Variants in ARHGAP28 observed in about 807,000 individuals in gnomAD.
ARHGAP28 encodes the protein rho GTPase-activating protein 28.
ARHGAP28 carries 56 observed loss-of-function variants against 90.7 expected under a neutral mutation model. That is an observed-to-expected ratio of 0.62 (90% CI 0.50 to 0.77). ARHGAP28 has a LOEUF of 0.77. Among genes scored for constraint, ARHGAP28 ranks in the 30% least tolerant of loss-of-function variants. The pLI, the probability that ARHGAP28 is intolerant of heterozygous loss-of-function variation, is 0.00. For missense variants in ARHGAP28, 869 were observed against 900.9 expected (o/e 0.96, Z 0.45); for synonymous variants, 308 against 323.3 (o/e 0.95, Z 0.51).
chr18:6,905,731 A>C (rs970712458), intron 16 of ARHGAP28, among the ~76,000 whole-genome samples: 17 of 152,312 alleles, frequency 1.1e-4, no homozygotes, highest in African/African-American at 3.8e-4. Flanking sequence ...CACAAAAATC[A>C]ATCACATTGG....
chr18:6,873,773 A>G lies in ARHGAP28; in HGVS notation c.1210A>G (p.Lys404Glu), dbSNP rs1600272545. 6 of 1,613,274 alleles carry G rather than the reference A, an allele frequency of 3.7e-6. No individual in the cohort carries two copies. The highest frequency in any genetic ancestry group is 5.1e-6 in the Non-Finnish European group (6 of 1,179,364). ...PGVKVPLVLQ[K>E]FFEKVEESGL... is the part of the protein sequence containing the mutation. ...AGTGAAAGTTCCCCTGGTATTACAAAAAGTGAGTAGCAGGCAAATGAAAGG... is the reference window on the plus strand; with the variant it reads ...AGTGAAAGTTCCCCTGGTATTACAAGAAGTGAGTAGCAGGCAAATGAAAGG... The change falls in exon 9 of 18, where the codon AAA becomes GAA. Residue 404 changes from lysine (K) to glutamate (E), a missense_variant and splice_region_variant. Physicochemically the swap from Lys to Glu is moderately conservative, Grantham distance 56. Coordinates refer to ENST00000383472, the MANE Select transcript of ARHGAP28 (RefSeq NM_001366230.1).
At chr18:6,798,855 A>T (rs1317958882) in intron 1 of ARHGAP28, among the ~76,000 whole-genome samples, 1 of 152,222 alleles carries the variant, frequency 6.6e-6, no homozygotes, top group Non-Finnish European at 1.5e-5. Context: ...TTCCATATAT[A>T]CTTACAATTC....
chr18:6,798,680 G>A (rs947886321), intron 1 of ARHGAP28, among the ~76,000 whole-genome samples: 2 of 152,076 alleles, frequency 1.3e-5, no homozygotes, highest in Non-Finnish European at 2.9e-5. Flanking sequence ...TGGACTTCGG[G>A]GACTCAGAGG....
intron 1 of ARHGAP28, among the ~76,000 whole-genome samples, chr18:6,792,429 T>C (rs2056413153): frequency 6.6e-6 from 1 of 152,238 alleles, no homozygotes; most frequent in African/African-American, 2.4e-5. Context: ...GTTTTTGTCC[T>C]GTGGTGAGTG....
chr18:6,825,079 A>C, intron 2 of ARHGAP28, 115 bp downstream of exon 2: 1 of 978,538 alleles, frequency 1.0e-6, no homozygotes, highest in Non-Finnish European at 1.5e-6. Context: ...GAATCAGTAG[A>C]ATCTGGCATA....
intron 1 of ARHGAP28, among the ~76,000 whole-genome samples, chr18:6,803,756 A>G (rs927792775): frequency 6.6e-6 from 1 of 151,608 alleles, no homozygotes; most frequent in Non-Finnish European, 1.5e-5. Flanking sequence ...AAAAGTTTTT[A>G]TTTTTATTTC....
rs953922507 is a variant in ARHGAP28 at position 6,870,827 on chromosome 18, T to C, written c.954+95T>C. On this transcript the variant is annotated intron_variant, in intron 7 of 17. Coordinates refer to ENST00000383472, the MANE Select transcript of ARHGAP28 (RefSeq NM_001366230.1). ...TTTCTTTTTTTTTTTTGAGACGGAG[T>C]CTCGCTCTATTGCCCCAGGCTGGAG... The C allele has an allele frequency of 1.7e-5, 22 of 1,331,364 alleles. No homozygotes were observed. The African/African-American group carries it at 2.4e-4, about 15-fold the overall frequency. 82.5% of individuals were successfully genotyped at this position (1,331,364 alleles called of 1,614,324 possible).
intron 3 of ARHGAP28, among the ~76,000 whole-genome samples, chr18:6,843,694 T>C (rs2056844653): frequency 6.6e-6 from 1 of 152,226 alleles, no homozygotes; most frequent in East Asian, 1.9e-4. Context: ...CTTGTGCTGA[T>C]TTTTCAGTAG....
chr18:6,900,646 A>T (rs549042321), intron 16 of ARHGAP28, among the ~76,000 whole-genome samples: 4 of 152,326 alleles, frequency 2.6e-5, no homozygotes, highest in Non-Finnish European at 5.9e-5. Flanking sequence ...CCGGAAAAAA[A>T]AAATGAACAC....
intron 1 of ARHGAP28, among the ~76,000 whole-genome samples, chr18:6,741,336 C>T (rs371184836): frequency 2.0e-5 from 3 of 152,140 alleles, no homozygotes; most frequent in Non-Finnish European, 2.9e-5. Context: ...ATTACAAGGT[C>T]GACTTGGCAA....
rs370834373 is a variant in ARHGAP28 at position 6,837,285 on chromosome 18, C to A, written c.414C>A (p.Leu138=). The A allele has an allele frequency of 6.2e-6, 10 of 1,611,032 alleles. No individual in the cohort carries two copies. In the African/African-American group the frequency reaches 1.1e-4, roughly 17 times the overall value. ...GDEEEDGKAL[L]STLTRTQAAA... ...AAGAGGAAGATGGCAAAGCCTTGCT[C>A]TCCACATTGACTCGAACCCAAGCAG... is the stretch of plus-strand genomic sequence containing the variant. The change falls in exon 3 of 18, where the codon CTC becomes CTA. Residue 138 remains leucine (L), a synonymous_variant. Transcript: ENST00000383472.
chr18:6,909,248 G>GTCTTTTCTTTTTTCTTT (rs1555637469), intron 17 of ARHGAP28, among the ~76,000 whole-genome samples: 1 of 121,262 alleles, frequency 8.2e-6, no homozygotes, highest in African/African-American at 3.1e-5. Flanking sequence ...GTAGGCTTGG[G>GTCTTTTCTTTTTTCTTT]TCTTTTCTTT....
At chr18:6,816,361 C>T (rs1266336744) in intron 1 of ARHGAP28, among the ~76,000 whole-genome samples, 1 of 152,216 alleles carries the variant, frequency 6.6e-6, no homozygotes, top group East Asian at 1.9e-4. Context: ...TGTCCTCTTG[C>T]TCTATCTGAA....
chr18:6,860,226 G>T (rs1452594554), intron 5 of ARHGAP28, among the ~76,000 whole-genome samples: 1 of 152,128 alleles, frequency 6.6e-6, no homozygotes, highest in Non-Finnish European at 1.5e-5. Flanking sequence ...TGATGACGTG[G>T]CTTAACTACC....
chr18:6,837,917 A>G (rs1223460875), intron 3 of ARHGAP28, among the ~76,000 whole-genome samples: 3 of 152,224 alleles, frequency 2.0e-5, no homozygotes, highest in African/African-American at 4.8e-5. Flanking sequence ...TCAGAAAAGC[A>G]TAAGGGAAAC....
intron 5 of ARHGAP28, 69 bp downstream of exon 5, chr18:6,859,966 A>G (rs1444095895): frequency 7.4e-7 from 1 of 1,346,768 alleles, no homozygotes; most frequent in African/African-American, 1.4e-5. Flanking sequence ...TAATGTAGGA[A>G]GGTAAGAAGA....
At chr18:6,889,321 G>A (rs983649539) in intron 12 of ARHGAP28, among the ~76,000 whole-genome samples, 1 of 151,996 alleles carries the variant, frequency 6.6e-6, no homozygotes, top group Non-Finnish European at 1.5e-5. Context: ...TTGGCCAGCT[G>A]TCAATTTCAA....
intron 3 of ARHGAP28, among the ~76,000 whole-genome samples, chr18:6,845,029 A>C (rs900273616): frequency 3.3e-5 from 5 of 152,148 alleles, no homozygotes; most frequent in African/African-American, 1.2e-4. Flanking sequence ...CCCTCCATGT[A>C]TCCTTTAGTA....
intron 13 of ARHGAP28, 27 bp downstream of exon 13, chr18:6,890,112 C>T (rs2143720859): frequency 6.2e-7 from 1 of 1,612,032 alleles, no homozygotes; most frequent in Non-Finnish European, 8.5e-7. Flanking sequence ...TGACAGGTCC[C>T]CCTCAGAAGT....
Sources: gnomAD v4.1 joint callset for allele counts (sites outside exome capture counted in the v4.1 genomes callset) on GRCh38, gnomAD v4.1.1 for gene constraint, MANE v1.5 for transcripts, NCBI Gene and HGNC (gene_info 2026-07-23, HGNC 2026-07-21) for gene names.